Variants in AK5 observed in about 807,000 individuals in gnomAD.
The protein encoded by AK5 is adenylate kinase 5, also known as adenylate kinase isoenzyme 5.
Under a neutral mutation model 69.5 loss-of-function variants are expected in AK5, and 27 were observed. The observed-to-expected ratio is 0.39, with a 90% CI of 0.29 to 0.54. AK5 has a LOEUF of 0.54. Ranked by LOEUF, AK5 falls within the 20% of genes least tolerant of loss-of-function variation. The pLI is 0.71. For missense variants in AK5, 531 were observed against 700.4 expected, an observed-to-expected ratio of 0.76 and a Z score of 2.73; for synonymous variants, 260 against 244.4, an observed-to-expected ratio of 1.06 and a Z score of -0.60.
At chr1:77,546,602 C>T (rs776329958) in intron 13 of AK5, among the ~76,000 whole-genome samples, 1 of 152,058 alleles carries the variant, frequency 6.6e-6, no homozygotes, top group Non-Finnish European at 1.5e-5. Flanking sequence ...CCCAGCTACT[C>T]GGGAGGCTGA....
chr1:77,283,905 T>C (rs1658205932), intron 1 of AK5, among the ~76,000 whole-genome samples: 1 of 152,206 alleles, frequency 6.6e-6, no homozygotes, highest in East Asian at 1.9e-4. Flanking sequence ...AATTCCTACA[T>C]AGTACATCTT....
chr1:77,302,673 T>C (rs1570342831), intron 5 of AK5, among the ~76,000 whole-genome samples: 1 of 152,204 alleles, frequency 6.6e-6, no homozygotes, highest in Non-Finnish European at 1.5e-5. Context: ...ATACAGGCAG[T>C]TGGCTTTTTT....
At chr1:77,403,478 G>A (rs995632056) in intron 6 of AK5, among the ~76,000 whole-genome samples, 1 of 152,114 alleles carries the variant, frequency 6.6e-6, no homozygotes, top group Non-Finnish European at 1.5e-5. Context: ...TTTGTATAAG[G>A]TGTAAGGAAG....
intron 10 of AK5, among the ~76,000 whole-genome samples, chr1:77,489,671 A>G (rs1655854231): frequency 6.6e-6 from 1 of 152,234 alleles, no homozygotes; most frequent in Non-Finnish European, 1.5e-5. Flanking sequence ...GGGCTGCAGT[A>G]TTAGCCAGAG....
Position 77,389,269 on chromosome 1 carries a change from TGAGGGAATA to T in AK5, c.892-21709_892-21701del, listed in dbSNP as rs1648256992. Reference sequence around the variant, plus strand: ...GCCTGAGAAAAGAAAATGGTGGAAATGAGGGAATAGAAACATTCCATTTTCAAACGTGTA... The same window carrying T: ...GCCTGAGAAAAGAAAATGGTGGAAATGAAACATTCCATTTTCAAACGTGTA... On this transcript the variant is annotated intron_variant, in intron 6 of 13. Coordinates refer to ENST00000354567, the MANE Select transcript of AK5 (RefSeq NM_174858.3). Among the ~76,000 whole-genome samples, 3 of 152,288 alleles carry T rather than the reference TGAGGGAATA, an allele frequency of 2.0e-5. No homozygotes were observed. The South Asian group carries it at 6.2e-4, about 32-fold the overall frequency.
intron 6 of AK5, among the ~76,000 whole-genome samples, chr1:77,376,451 C>CAAAAAACAAAAAA (rs1647251832): frequency 2.4e-5 from 1 of 41,036 alleles, no homozygotes; most frequent in African/African-American, 9.0e-5. Context: ...AAAAAAAAAA[C>CAAAAAACAAAAAA]AAAAAAAAAA....
chr1:77,442,755 T>C (rs1185521012), intron 8 of AK5, among the ~76,000 whole-genome samples: 1 of 152,224 alleles, frequency 6.6e-6, no homozygotes, highest in African/African-American at 2.4e-5. Flanking sequence ...CTTGCTGATG[T>C]CACCATCTGC....
Position 77,535,785 on chromosome 1 carries a change from C to G in AK5, c.1429-62C>G, listed in dbSNP as rs535312559. ...GAAAGGAAAAACCAGAGGCCCTGGG[C>G]CTTTCCAGAACATCAGCAGGGTGAG... On this transcript the variant is annotated intron_variant, in intron 12 of 13. Coordinates refer to ENST00000354567, the MANE Select transcript of AK5 (RefSeq NM_174858.3). 27 of 1,493,652 alleles carry G rather than the reference C, an allele frequency of 1.8e-5. No homozygotes were observed. The African/African-American group carries it at 2.9e-4, about 16-fold the overall frequency. The allele number at this position is 1,493,652 out of a possible 1,614,324, so 92.5% of individuals were successfully genotyped here. A position where few individuals can be genotyped will look rare whatever the true frequency, so the allele number is the denominator to read the frequency against.
intron 6 of AK5, among the ~76,000 whole-genome samples, chr1:77,366,213 T>C (rs996349478): frequency 2.0e-5 from 3 of 152,226 alleles, no homozygotes; most frequent in Admixed American, 6.5e-5. Flanking sequence ...AGTCAGGTCC[T>C]ACTTAGTTTC....
chr1:77,293,752 T>C, intron 2 of AK5, 41 bp from the exon 3 acceptor site: 1 of 1,519,212 alleles, frequency 6.6e-7, no homozygotes, highest in Non-Finnish European at 8.9e-7. Context: ...TGTTTTATTA[T>C]GGTGTTTTTT....
At chr1:77,402,383 G>C (rs534866054) in intron 6 of AK5, among the ~76,000 whole-genome samples, 1 of 152,018 alleles carries the variant, frequency 6.6e-6, no homozygotes, top group East Asian at 1.9e-4. Flanking sequence ...CCATGCTGGT[G>C]CGCTGCACCC....
intron 8 of AK5, among the ~76,000 whole-genome samples, chr1:77,475,163 G>A (rs1654767712): frequency 3.2e-5 from 1 of 31,080 alleles, no homozygotes; most frequent in Admixed American, 6.1e-4. Flanking sequence ...ATGTGTGTGT[G>A]CATGTATATA....
In AK5 at chr1:77,405,353, G is replaced by A. The variant is rs577158160; in HGVS notation, c.892-5628G>A. ...AGCTGTGTTTTCAGCTGTCTGAACC[G>A]GGTTTACAAGCCTCCCATGGCTCAC... On this transcript the variant is annotated intron_variant, in intron 6 of 13. Transcript: ENST00000354567. 2.6e-5 allele frequency among the ~76,000 whole-genome samples: 4 copies of A among 152,332 alleles called. No individual in the cohort carries two copies. In the East Asian group the frequency reaches 5.8e-4, roughly 22 times the overall value.
intron 8 of AK5, among the ~76,000 whole-genome samples, chr1:77,474,043 A>G (rs1654679216): frequency 6.6e-6 from 1 of 152,202 alleles, no homozygotes; most frequent in African/African-American, 2.4e-5. Flanking sequence ...TGGACAAACA[A>G]TAAGCAGGGG....
chr1:77,376,493 T>C (rs980402431), intron 6 of AK5, among the ~76,000 whole-genome samples: 1 of 150,910 alleles, frequency 6.6e-6, no homozygotes, highest in Non-Finnish European at 1.5e-5. Context: ...CATTACTGAC[T>C]TCATGAGTAG....
chr1:77,526,742 G>A (rs1438341792), intron 12 of AK5, among the ~76,000 whole-genome samples: 1 of 151,290 alleles, frequency 6.6e-6, no homozygotes, highest in African/African-American at 2.4e-5. Flanking sequence ...CCAAAGTGCT[G>A]GGATTACAGG....
chr1:77,558,709 A>ACAT lies in AK5; in HGVS notation c.*40_*42dup. On this transcript the variant is annotated 3_prime_UTR_variant, in exon 14 of 14. Coordinates refer to ENST00000354567, the MANE Select transcript of AK5 (RefSeq NM_174858.3). Reference sequence around the variant, plus strand: ...TGTTTGTTAGAATGGAAACAGAAAAACATTAAAAAGTTCATTCCTTAACAC... The same window carrying ACAT: ...TGTTTGTTAGAATGGAAACAGAAAAACATCATTAAAAAGTTCATTCCTTAACAC... The ACAT allele has an allele frequency of 1.4e-6, 2 of 1,405,274 alleles. No homozygotes were observed. The highest frequency in any genetic ancestry group is 1.4e-5 in the African/African-American group (1 of 71,666). 87.1% of individuals were successfully genotyped at this position (1,405,274 alleles called of 1,614,324 possible).
chr1:77,474,669 G>A (rs1654732943), intron 8 of AK5, among the ~76,000 whole-genome samples: 1 of 152,094 alleles, frequency 6.6e-6, no homozygotes, highest in Non-Finnish European at 1.5e-5. Context: ...CTCTCCACTG[G>A]CTCACCTCAT....
chr1:77,402,860 G>T (rs1279680041), intron 6 of AK5, among the ~76,000 whole-genome samples: 1 of 152,162 alleles, frequency 6.6e-6, no homozygotes, highest in Non-Finnish European at 1.5e-5. Context: ...AGATCCCTGA[G>T]GAATCGCCAC....
Sources: gnomAD v4.1 joint callset for allele counts (sites outside exome capture counted in the v4.1 genomes callset) on GRCh38, gnomAD v4.1.1 for gene constraint, MANE v1.5 for transcripts, NCBI Gene and HGNC (gene_info 2026-07-23, HGNC 2026-07-21) for gene names.